Variants in FBXO15 observed in about 807,000 individuals in gnomAD.
FBXO15 encodes the protein F-box protein 15, also known as F-box only protein 15.
A neutral mutation model predicts 49.5 loss-of-function variants in FBXO15; 30 were observed. The observed-to-expected ratio is 0.61, with a 90% confidence interval of 0.45 to 0.82. The LOEUF (loss-of-function observed/expected upper bound fraction) is 0.82, where lower values mean the gene tolerates loss of function less well. Among genes scored for constraint, FBXO15 ranks in the 40% least tolerant of loss-of-function variants. The pLI is 0.00. For missense variants in FBXO15, 591 were observed against 631.5 expected, an observed-to-expected ratio of 0.94 and a Z score of 0.69; for synonymous variants, 250 against 232.7, an observed-to-expected ratio of 1.07 and a Z score of -0.68.
chr18:74,119,027 A>T (rs542699971), intron 8 of FBXO15, among the ~76,000 whole-genome samples: 130 of 152,310 alleles, frequency 8.5e-4, no homozygotes, highest in Middle Eastern at 6.8e-3. Context: ...AGGCCCCACC[A>T]GCCTCCTGGG....
chr18:74,100,406 A>T (rs1192957300), intron 8 of FBXO15, among the ~76,000 whole-genome samples: 1 of 152,168 alleles, frequency 6.6e-6, no homozygotes, highest in African/African-American at 2.4e-5. Flanking sequence ...TCTAGGATAC[A>T]GCAAAAGTGG....
chr18:74,104,764 C>T (rs1372451404), intron 8 of FBXO15, among the ~76,000 whole-genome samples: 2 of 152,112 alleles, frequency 1.3e-5, no homozygotes, highest in African/African-American at 2.4e-5. Context: ...CATCCAACAG[C>T]AGAGCTCCCA....
chr18:74,086,905 C>T (rs900763672), intron 8 of FBXO15, among the ~76,000 whole-genome samples: 3 of 152,156 alleles, frequency 2.0e-5, no homozygotes, highest in Non-Finnish European at 4.4e-5. Context: ...TAGAGGGAAA[C>T]TTAAACACAA....
At chr18:74,103,142 T>C (rs1913598868) in intron 8 of FBXO15, among the ~76,000 whole-genome samples, 1 of 151,732 alleles carries the variant, frequency 6.6e-6, no homozygotes, top group South Asian at 2.1e-4. Context: ...AATTCAGAAA[T>C]GTATCAGAGA....
intron 1 of FBXO15, among the ~76,000 whole-genome samples, chr18:74,141,372 A>G (rs1467850711): frequency 6.6e-6 from 1 of 152,136 alleles, no homozygotes; most frequent in Non-Finnish European, 1.5e-5. Context: ...CATACAACAC[A>G]CAGGTATTGG....
intron 6 of FBXO15, 51 bp downstream of exon 6, chr18:74,125,924 T>G: frequency 1.9e-6 from 3 of 1,600,422 alleles, no homozygotes; most frequent in Non-Finnish European, 1.7e-6. Flanking sequence ...TAAGTAAATG[T>G]GGTATTGTGA....
chr18:74,119,745 G>A (rs79510660), intron 8 of FBXO15, among the ~76,000 whole-genome samples: 4 of 152,144 alleles, frequency 2.6e-5, no homozygotes, highest in African/African-American at 9.7e-5. Context: ...GAGCTAGAGT[G>A]GGGAGGACAG....
At chr18:74,077,609 G>C (rs1237925068) in intron 9 of FBXO15, among the ~76,000 whole-genome samples, 3 of 152,172 alleles carry the variant, frequency 2.0e-5, no homozygotes, top group African/African-American at 7.2e-5. Context: ...CAGAGCCTGG[G>C]CTGCGAGGAG....
chr18:74,085,856 A>C (rs1429548260), intron 8 of FBXO15, among the ~76,000 whole-genome samples: 2 of 152,218 alleles, frequency 1.3e-5, no homozygotes, highest in Non-Finnish European at 2.9e-5. Flanking sequence ...AAAAACAAAG[A>C]AGAATATCTT....
intron 9 of FBXO15, among the ~76,000 whole-genome samples, chr18:74,081,723 T>TC (rs1373109315): frequency 6.6e-6 from 1 of 152,172 alleles, no homozygotes; most frequent in African/African-American, 2.4e-5. Context: ...AAATGAAAGG[T>TC]ACTCAATAAG....
chr18:74,105,744 C>T (rs1913728303), intron 8 of FBXO15, among the ~76,000 whole-genome samples: 5 of 151,986 alleles, frequency 3.3e-5, no homozygotes, highest in South Asian at 4.2e-4. Context: ...CTGTGCCTGG[C>T]CCCCAAAATA....
intron 8 of FBXO15, among the ~76,000 whole-genome samples, chr18:74,114,452 G>A (rs1914147363): frequency 6.6e-6 from 1 of 152,070 alleles, no homozygotes; most frequent in Non-Finnish European, 1.5e-5. Flanking sequence ...CTGAGTCCTG[G>A]GAGTCCTCCT....
chr18:74,137,009 A>G (rs562921628), intron 2 of FBXO15, among the ~76,000 whole-genome samples: 74 of 152,360 alleles, frequency 4.9e-4, no homozygotes, highest in African/African-American at 1.7e-3. Flanking sequence ...AATCAGTCCT[A>G]TAACTCCGAT....
chr18:74,113,963 G>T (rs1914130850), intron 8 of FBXO15, among the ~76,000 whole-genome samples: 1 of 152,282 alleles, frequency 6.6e-6, no homozygotes, highest in Non-Finnish European at 1.5e-5. Context: ...CACACAGCAG[G>T]CCTCATACTG....
intron 9 of FBXO15, among the ~76,000 whole-genome samples, chr18:74,079,462 T>G (rs1172764221): frequency 6.6e-6 from 1 of 152,146 alleles, no homozygotes; most frequent in Non-Finnish European, 1.5e-5. Flanking sequence ...TAGTGATGGT[T>G]ATACAACAAT....
At chr18:74,096,835 A>C (rs1353657206) in intron 8 of FBXO15, among the ~76,000 whole-genome samples, 2 of 152,214 alleles carry the variant, frequency 1.3e-5, no homozygotes, top group Non-Finnish European at 2.9e-5. Context: ...AGATGAGAAA[A>C]GACACAGACC....
At chr18:74,105,562 C>T (rs1270979652) in intron 8 of FBXO15, among the ~76,000 whole-genome samples, 1 of 151,928 alleles carries the variant, frequency 6.6e-6, no homozygotes, top group African/African-American at 2.4e-5. Context: ...GCCTCAGCCT[C>T]CTGAGTAGCT....
chr18:74,104,875 C>T lies in FBXO15; in HGVS notation c.1138+18493G>A, dbSNP rs1326616196. ...TGTCTGCACCATCCCATGTCTACTG[C>T]AGCACTATTCACAATAACTAAAATA... On this transcript the variant is annotated intron_variant, in intron 8 of 9. Transcript: ENST00000419743. Among the ~76,000 whole-genome samples the T allele has an allele frequency of 5.3e-5, 8 of 152,144 alleles. No individual in the cohort carries two copies. The South Asian group carries it at 8.3e-4, about 16-fold the overall frequency.
At chr18:74,078,595 TG>T (rs967523208) in intron 9 of FBXO15, 12 of 152,178 alleles carry the variant, frequency 7.9e-5, no homozygotes, top group Admixed American at 2.0e-4. Flanking sequence ...CCCAACCTTC[TG>T]GGGGGGGATG....
Sources: allele counts gnomAD v4.1 joint callset (sites outside exome capture counted in the v4.1 genomes callset), GRCh38; gene constraint gnomAD v4.1.1; transcripts MANE v1.5; gene names NCBI Gene and HGNC (gene_info 2026-07-23, HGNC 2026-07-21).